NLGN4X: variants seen among roughly 807,000 people sequenced by gnomAD.
NLGN4X encodes neuroligin-4, X-linked.
A neutral mutation model predicts 40.3 loss-of-function variants in NLGN4X; 3 were observed. That is an observed-to-expected ratio of 0.07 (90% CI 0.03 to 0.19). The LOEUF (loss-of-function observed/expected upper bound fraction) is 0.19, where lower values mean the gene tolerates loss of function less well. Among genes scored for constraint, NLGN4X ranks in the 10% least tolerant of loss-of-function variants. NLGN4X has a pLI of 1.00. For missense variants in NLGN4X, 382 were observed against 708.3 expected, an observed-to-expected ratio of 0.54 and a Z score of 5.23; for synonymous variants, 270 against 306.8, an observed-to-expected ratio of 0.88 and a Z score of 1.25.
rs182614314 is a variant in NLGN4X, at chrX:6,132,874, G to A, written c.472+18121C>T. On this transcript the variant is annotated intron_variant, in intron 2 of 5. Transcript: ENST00000381095. Reference sequence around the variant, plus strand: ...TGGCTCACTGAGTGATGAGGGGATGGTGTGAGTTCTCCTAAGATGGTAAAA... The same window carrying A: ...TGGCTCACTGAGTGATGAGGGGATGATGTGAGTTCTCCTAAGATGGTAAAA... 1.6e-4 allele frequency among the ~76,000 whole-genome samples: 18 copies of A among 111,085 alleles called. No homozygotes were observed. In the Admixed American group the frequency reaches 1.7e-3, roughly 11 times the overall value.
intron 3 of NLGN4X, among the ~76,000 whole-genome samples, chrX:5,975,228 T>A (rs1225001652): frequency 1.8e-5 from 2 of 112,263 alleles, no homozygotes; most frequent in Non-Finnish European, 3.8e-5. Context: ...AATTCTGTCA[T>A]CTTTTGTAGA....
intron 3 of NLGN4X, among the ~76,000 whole-genome samples, chrX:5,967,892 G>T (rs1165689843): frequency 9.0e-6 from 1 of 111,103 alleles, no homozygotes; most frequent in Non-Finnish European, 1.9e-5. Flanking sequence ...CCCCATCATG[G>T]ACTATAAACC....
chrX:6,001,954 T>C (rs2035981580), intron 3 of NLGN4X, among the ~76,000 whole-genome samples: 1 of 111,636 alleles, frequency 9.0e-6, no homozygotes, highest in Non-Finnish European at 1.9e-5. Flanking sequence ...GGGTGTAGAA[T>C]ATATCTAATT....
Position 5,890,309 on chromosome X carries a change from C to T in NLGN4X, c.*2508G>A. 1 of 170,974 alleles carries T rather than the reference C, an allele frequency of 5.8e-6. No individual in the cohort carries two copies. 14.1% of individuals were successfully genotyped at this position (170,974 alleles called of 1,213,427 possible). On this transcript the variant is annotated 3_prime_UTR_variant, in exon 6 of 6. Coordinates refer to ENST00000381095, the MANE Select transcript of NLGN4X (RefSeq NM_181332.3). ...AGCAAGTATATTTTTTCTCATAGAA[C>T]TCTATGAAGATTCTATAACTTCTTT... is the stretch of plus-strand genomic sequence containing the variant.
chrX:6,104,058 C>T (rs1219214511), intron 2 of NLGN4X, among the ~76,000 whole-genome samples: 1 of 111,822 alleles, frequency 8.9e-6, no homozygotes, highest in Non-Finnish European at 1.9e-5. Context: ...TATAGGTACA[C>T]ATAAACTAAC....
At position 5,947,976 on chromosome X, in the gene NLGN4X, G is replaced by A. The variant is rs750338091; in HGVS notation, c.626-38737C>T. 1.5e-3 allele frequency among the ~76,000 whole-genome samples: 167 copies of A among 111,513 alleles called. 3 individuals carry two copies. Among genetic ancestry groups the A allele is most frequent in the African/African-American group, 4.9e-3 (150 of 30,774 alleles). Reference sequence around the variant, plus strand: ...AGTAGGAAATGATATAAATATATACGGAACCTAAATATATGTTAGGCAGAT... The same window carrying A: ...AGTAGGAAATGATATAAATATATACAGAACCTAAATATATGTTAGGCAGAT... On this transcript the variant is annotated intron_variant, in intron 3 of 5. Transcript: ENST00000381095.
Position 6,192,519 on chromosome X carries a change from A to T in NLGN4X, c.-306+36022T>A, listed in dbSNP as rs369015679. Among the ~76,000 whole-genome samples the T allele has an allele frequency of 6.3e-5, 7 of 111,826 alleles. No individual in the cohort carries two copies. The East Asian group carries it at 1.1e-3, about 18-fold the overall frequency. ...GAAGATATTAAAAGGTAATGAATGA[A>T]CCATCTACCTAAGGTCATGCTGTAG... On this transcript the variant is annotated intron_variant, in intron 1 of 5. Transcript: ENST00000381095.
chrX:5,913,764 C>T (rs1475897874), intron 3 of NLGN4X, among the ~76,000 whole-genome samples: 1 of 111,980 alleles, frequency 8.9e-6, no homozygotes, highest in African/African-American at 3.2e-5. Flanking sequence ...TGTCTCCTCA[C>T]CCAAATCTCA....
Position 5,925,899 on chromosome X carries a change from T to C in NLGN4X, c.626-16660A>G, listed in dbSNP as rs868506956. Among the ~76,000 whole-genome samples, 20 of 31,297 alleles carry C rather than the reference T, an allele frequency of 6.4e-4. 1 individual carries two copies. The highest frequency in any genetic ancestry group is 4.4e-3 in the African/African-American group (13 of 2,981). The allele number at this position is 31,297 out of a possible 115,157, so 27.2% of individuals were successfully genotyped here. ...ATACACACATATATATATATATATA[T>C]ATATATATATATATATATATATATA... On this transcript the variant is annotated intron_variant, in intron 3 of 5. Coordinates refer to ENST00000381095, the MANE Select transcript of NLGN4X (RefSeq NM_181332.3).
intron 5 of NLGN4X, among the ~76,000 whole-genome samples, chrX:5,894,100 T>C (rs866493496): frequency 1.8e-4 from 20 of 111,971 alleles, no homozygotes; most frequent in Middle Eastern, 4.6e-3. Flanking sequence ...ACACTTTTGG[T>C]TTCCGTAGAC....
chrX:5,993,525 A>G (rs1362719293), intron 3 of NLGN4X, among the ~76,000 whole-genome samples: 2 of 111,667 alleles, frequency 1.8e-5, no homozygotes, highest in African/African-American at 3.3e-5. Flanking sequence ...GTCTCCTTAC[A>G]TTGCCAAGCA....
At chrX:6,179,912 A>G (rs1325517002) in intron 1 of NLGN4X, among the ~76,000 whole-genome samples, 1 of 111,572 alleles carries the variant, frequency 9.0e-6, no homozygotes, top group Non-Finnish European at 1.9e-5. Flanking sequence ...CACGTTCCTT[A>G]CTCCTTCGTA....
At chrX:6,187,657 T>G (rs1922184978) in intron 1 of NLGN4X, 1 of 112,398 alleles carries the variant, frequency 8.9e-6, no homozygotes. Context: ...TTTCTTGTAC[T>G]AAGCATTAAT....
intron 1 of NLGN4X, among the ~76,000 whole-genome samples, chrX:6,180,594 A>G (rs998273650): frequency 8.9e-6 from 1 of 111,831 alleles, no homozygotes; most frequent in African/African-American, 3.3e-5. Context: ...TTCTTAAAGC[A>G]ATGCAAGAAC....
chrX:5,932,904 T>C (rs1317367548), intron 3 of NLGN4X, among the ~76,000 whole-genome samples: 1 of 111,199 alleles, frequency 9.0e-6, no homozygotes, highest in Non-Finnish European at 1.9e-5. Context: ...AAGAGTGCCC[T>C]GAATAGATAT....
chrX:5,911,090 T>C (rs1212054840), intron 3 of NLGN4X, among the ~76,000 whole-genome samples: 1 of 111,779 alleles, frequency 8.9e-6, no homozygotes, highest in Non-Finnish European at 1.9e-5. Flanking sequence ...CGAAGATCCT[T>C]ATATGACAAT....
chrX:6,018,385 T>C (rs2036446594), intron 3 of NLGN4X, among the ~76,000 whole-genome samples: 1 of 112,351 alleles, frequency 8.9e-6, no homozygotes, highest in Non-Finnish European at 1.9e-5. Flanking sequence ...TAGTTTATCA[T>C]TCCAAAATGT....
intron 1 of NLGN4X, among the ~76,000 whole-genome samples, chrX:6,193,630 C>T (rs1447788330): frequency 8.9e-6 from 1 of 111,750 alleles, no homozygotes; most frequent in Non-Finnish European, 1.9e-5. Context: ...TAATTCTTAA[C>T]TTGTTCCCTA....
In NLGN4X at chrX:6,122,805, C is replaced by G. The variant is rs189716017; in HGVS notation, c.472+28190G>C. Among the ~76,000 whole-genome samples, 464 of 106,110 alleles carry G rather than the reference C, an allele frequency of 4.4e-3. 1 individual carries two copies. Among genetic ancestry groups the G allele is most frequent in the African/African-American group, 0.015 (443 of 29,207 alleles). 92.1% of individuals were successfully genotyped at this position (106,110 alleles called of 115,157 possible). ...ACAAAGGGTTTCAAAGGAAGTCACA[C>G]GAGATACCGGGGAGAAGAAATGAAA... On this transcript the variant is annotated intron_variant, in intron 2 of 5. Coordinates refer to ENST00000381095, the MANE Select transcript of NLGN4X (RefSeq NM_181332.3).
Sources: gnomAD v4.1 joint callset for allele counts (sites outside exome capture counted in the v4.1 genomes callset) on GRCh38, gnomAD v4.1.1 for gene constraint, MANE v1.5 for transcripts, NCBI Gene and HGNC (gene_info 2026-07-23, HGNC 2026-07-21) for gene names.